PLCL1: variants seen among roughly 807,000 people sequenced by gnomAD.
PLCL1 encodes phospholipase C like 1 (inactive), also known as inactive phospholipase C-like protein 1.
In PLCL1, 41 loss-of-function variants were observed where a neutral mutation model predicts 84.4. That is an observed-to-expected ratio of 0.49 (90% CI 0.38 to 0.63). The LOEUF is 0.63. Ranked by LOEUF, PLCL1 falls within the 30% of genes least tolerant of loss-of-function variation. The pLI is 0.00. For missense variants in PLCL1, 1,206 were observed against 1,367.8 expected (o/e 0.88, Z 1.87); for synonymous variants, 490 against 488.3 (o/e 1.00, Z -0.05).
chr2:198,027,212 G>A (rs1174706390), intron 1 of PLCL1, among the ~76,000 whole-genome samples: 1 of 152,128 alleles, frequency 6.6e-6, no homozygotes, highest in Non-Finnish European at 1.5e-5. Context: ...GCAACGACAT[G>A]GATGAACCTG....
At chr2:198,037,647 T>G (rs1691578080) in intron 1 of PLCL1, among the ~76,000 whole-genome samples, 6 of 152,212 alleles carry the variant, frequency 3.9e-5, no homozygotes, top group Admixed American at 3.9e-4. Flanking sequence ...TCTATCAAGT[T>G]GAGTTCTGTG....
At chr2:197,948,338 T>C (rs1449354295) in intron 1 of PLCL1, among the ~76,000 whole-genome samples, 1 of 152,186 alleles carries the variant, frequency 6.6e-6, no homozygotes, top group Non-Finnish European at 1.5e-5. Context: ...AGATGCCTTT[T>C]TGGAACAGTT....
intron 1 of PLCL1, among the ~76,000 whole-genome samples, chr2:197,849,212 A>G (rs1266785340): frequency 6.6e-6 from 1 of 152,150 alleles, no homozygotes; most frequent in African/African-American, 2.4e-5. Flanking sequence ...TACCCTTGGT[A>G]TTCTGTCATA....
rs1690451590 is a variant in PLCL1, at chr2:197,805,382, T to TG, written c.240+46dup. On this transcript the variant is annotated intron_variant, in intron 1 of 5. Transcript: ENST00000428675. This position sits in a 1 kb window ranked among gnomAD's most constrained non-coding sequence, Gnocchi z 4.0. ...GCACCGGGAGCGTGGCTGTGGGTGA[T>TG]GGGTGGGTCAGGGACCCGGGCAGGA... 2 of 1,326,984 alleles carry TG rather than the reference T, an allele frequency of 1.5e-6. No individual in the cohort carries two copies. Among genetic ancestry groups the TG allele is most frequent in the African/African-American group, 3.1e-5 (2 of 65,308 alleles). 82.2% of individuals were successfully genotyped at this position (1,326,984 alleles called of 1,614,324 possible). A position where few individuals can be genotyped will look rare whatever the true frequency, so the allele number is the denominator to read the frequency against.
At chr2:198,119,918 A>G (rs1405193745) in intron 5 of PLCL1, among the ~76,000 whole-genome samples, 2 of 151,954 alleles carry the variant, frequency 1.3e-5, no homozygotes, top group Non-Finnish European at 2.9e-5. Flanking sequence ...ATGGATGCAC[A>G]CCTTGATCTA....
intron 1 of PLCL1, among the ~76,000 whole-genome samples, chr2:198,065,989 T>C (rs566772625): frequency 9.2e-5 from 14 of 152,320 alleles, no homozygotes; most frequent in African/African-American, 3.1e-4. Flanking sequence ...TTCCTAATTA[T>C]ACCAAATATC....
intron 1 of PLCL1, among the ~76,000 whole-genome samples, chr2:197,815,679 G>C (rs1419508293): frequency 2.0e-5 from 3 of 152,138 alleles, no homozygotes; most frequent in Admixed American, 6.6e-5. Flanking sequence ...ATTCATGGAA[G>C]GAGGTAAAAA....
At chr2:198,001,823 G>A (rs1690607209) in intron 1 of PLCL1, 1 of 186,128 alleles carries the variant, frequency 5.4e-6, no homozygotes, top group Admixed American at 5.4e-5. Context: ...TGTCAGATCA[G>A]TGGCGGCATT....
At chr2:197,911,283 G>A (rs1414082132) in intron 1 of PLCL1, among the ~76,000 whole-genome samples, 1 of 152,102 alleles carries the variant, frequency 6.6e-6, no homozygotes, top group African/African-American at 2.4e-5. Context: ...GCTGCAGTGA[G>A]CTGTGATAGT....
intron 1 of PLCL1, among the ~76,000 whole-genome samples, chr2:197,832,606 T>C (rs908312596): frequency 6.6e-6 from 1 of 152,184 alleles, no homozygotes; most frequent in Non-Finnish European, 1.5e-5. Context: ...CTTCTGAAAC[T>C]ATTCCAAACA....
At chr2:197,931,255 C>T (rs901498984) in intron 1 of PLCL1, among the ~76,000 whole-genome samples, 6 of 152,092 alleles carry the variant, frequency 3.9e-5, no homozygotes, top group African/African-American at 9.7e-5. Context: ...TAGATCTGGT[C>T]GGTGAAAGTC....
At chr2:197,903,097 TC>T (rs1244629763) in intron 1 of PLCL1, among the ~76,000 whole-genome samples, 10 of 152,262 alleles carry the variant, frequency 6.6e-5, no homozygotes, top group Admixed American at 5.2e-4. Flanking sequence ...CTACCATTTT[TC>T]CCCTTAATAT....
chr2:198,033,660 C>T (rs1336171244), intron 1 of PLCL1, among the ~76,000 whole-genome samples: 1 of 152,182 alleles, frequency 6.6e-6, no homozygotes, highest in Non-Finnish European at 1.5e-5. Flanking sequence ...CCAACCTCAT[C>T]TTGTTTACCT....
At chr2:198,106,975 A>G (rs1693491357) in intron 5 of PLCL1, among the ~76,000 whole-genome samples, 1 of 151,824 alleles carries the variant, frequency 6.6e-6, no homozygotes, top group African/African-American at 2.4e-5. Context: ...AACTCCATCC[A>G]TGTGGCTGAG....
chr2:197,946,112 A>T (rs751983581), intron 1 of PLCL1, among the ~76,000 whole-genome samples: 12 of 152,168 alleles, frequency 7.9e-5, no homozygotes, highest in Non-Finnish European at 1.3e-4. Context: ...AGACCTCCAG[A>T]TAGATAAGAT....
chr2:198,111,431 G>C (rs1471698081), intron 5 of PLCL1, among the ~76,000 whole-genome samples: 2 of 151,864 alleles, frequency 1.3e-5, no homozygotes, highest in Non-Finnish European at 1.5e-5. Context: ...CCTTCTCAGG[G>C]AAGAGGAGCA....
rs139708454 is a variant in PLCL1 at position 198,081,366 on chromosome 2, A to C, written c.241-2392A>C. ...ATTCACAGTTTTCTTCTTTATTTTA[A>C]TTAGTAGATTAATCCTGTCTCAGCA... On this transcript the variant is annotated intron_variant, in intron 1 of 5. Transcript: ENST00000428675. Among the ~76,000 whole-genome samples the C allele has an allele frequency of 6.8e-4, 104 of 152,282 alleles. 3 individuals are homozygous for C. The South Asian group carries it at 0.013, about 20-fold the overall frequency.
At chr2:198,023,412 A>C (rs946744558) in intron 1 of PLCL1, among the ~76,000 whole-genome samples, 7 of 152,238 alleles carry the variant, frequency 4.6e-5, no homozygotes, top group Non-Finnish European at 1.0e-4. Flanking sequence ...ATCTAATTAA[A>C]CTAAAGAGCT....
At chr2:198,109,675 T>G (rs757372090) in intron 5 of PLCL1, among the ~76,000 whole-genome samples, 4 of 151,790 alleles carry the variant, frequency 2.6e-5, no homozygotes, top group Non-Finnish European at 5.9e-5. Flanking sequence ...TCATCTAAAG[T>G]CTTGAACTCT....
Sources: allele counts gnomAD v4.1 joint callset (sites outside exome capture counted in the v4.1 genomes callset), GRCh38; gene constraint gnomAD v4.1.1; non-coding constraint Gnocchi (gnomAD v3.1); transcripts MANE v1.5; gene names NCBI Gene and HGNC (gene_info 2026-07-23, HGNC 2026-07-21).